Variants in ZMYM4 observed in about 807,000 individuals in gnomAD.
ZMYM4 encodes zinc finger MYM-type containing 4.
ZMYM4 carries 31 observed loss-of-function variants against 183.2 expected under a neutral mutation model. That is an observed-to-expected ratio of 0.17 (90% confidence interval 0.13 to 0.23). ZMYM4 has a LOEUF of 0.23. Ranked by LOEUF, ZMYM4 falls within the 10% of genes least tolerant of loss-of-function variation. ZMYM4 has a pLI of 1.00. For synonymous variants in ZMYM4, 592 were observed against 631.2 expected (o/e 0.94, Z 0.93); for missense variants, 1,273 against 1,840.3 (o/e 0.69, Z 5.64).
At chr1:35,418,713 T>G in intron 29 of ZMYM4, 141 bp downstream of exon 29, 8 of 1,014,752 alleles carry the variant, frequency 7.9e-6, no homozygotes, top group African/African-American at 1.6e-5. Flanking sequence ...CATTGTCATA[T>G]CTATGTGGAT....
Position 35,387,281 on chromosome 1 carries a change from A to G in ZMYM4, c.2112+3A>G. 3 of 1,612,904 alleles carry G rather than the reference A, an allele frequency of 1.9e-6. No homozygotes were observed. The highest frequency in any genetic ancestry group is 2.5e-6 in the Non-Finnish European group (3 of 1,178,942). The stretch of plus-strand genomic sequence containing the variant: ...AACCAGAACTTCTTGACTATAAGGT[A>G]AAGTATAGCATGTTCATGATAAGAT... On this transcript the variant is annotated splice_donor_region_variant and intron_variant, in intron 12 of 29. Transcript: ENST00000314607.
chr1:35,309,021 A>G (rs1188845889), intron 1 of ZMYM4: 4 of 985,312 alleles, frequency 4.1e-6, no homozygotes, highest in Non-Finnish European at 4.8e-6. Flanking sequence ...AATGGAAGAC[A>G]TGTTAGAATG....
chr1:35,344,207 C>T (rs1277512498), intron 2 of ZMYM4, among the ~76,000 whole-genome samples: 5 of 151,938 alleles, frequency 3.3e-5, no homozygotes, highest in Admixed American at 2.6e-4. Context: ...GCGTGTGCCA[C>T]CATGCCTGAC....
intron 1 of ZMYM4, among the ~76,000 whole-genome samples, chr1:35,272,215 TTAGA>T (rs1279995572): frequency 2.6e-5 from 4 of 152,182 alleles, no homozygotes; most frequent in Admixed American, 6.5e-5. Context: ...CCACATAGAC[TTAGA>T]TAGTAACTTT....
chr1:35,374,020 T>C (rs34932961), intron 7 of ZMYM4, among the ~76,000 whole-genome samples: 1 of 83,344 alleles, frequency 1.2e-5, no homozygotes, highest in Non-Finnish European at 2.1e-5. Context: ...CATGGGATTC[T>C]TTTTTTTTTT....
At chr1:35,416,776 C>T (rs1319371136) in intron 28 of ZMYM4, among the ~76,000 whole-genome samples, 3 of 152,132 alleles carry the variant, frequency 2.0e-5, no homozygotes, top group Non-Finnish European at 2.9e-5. Context: ...ATTGGGCAAG[C>T]TGGTCTCGAA....
rs1304758451 is a variant in ZMYM4 at position 35,381,577 on chromosome 1, T to C, written c.1388T>C (p.Val463Ala). ...CATGAAGTTAATTACCAGAATGTGG[T>C]CCATAAACTTTGCAGTGATGCCTGC... ...IRHEVNYQNVVHKLCSDACFS... is the reference protein window; with the variant it reads ...IRHEVNYQNVAHKLCSDACFS... Residue 463 changes from valine (V) to alanine (A), a missense_variant, in exon 9 of 30, where the codon GTC (valine) becomes GCC (alanine). Transcript: ENST00000314607. 2.5e-6 allele frequency: 4 copies of C among 1,614,104 alleles called. No homozygotes were observed. The highest frequency in any genetic ancestry group is 3.4e-6 in the Non-Finnish European group (4 of 1,180,042).
In ZMYM4 at chr1:35,398,910, T is replaced by C. The variant is rs1193611952; in HGVS notation, c.3300T>C (p.Ser1100=). The C allele has an allele frequency of 3.1e-6, 5 of 1,614,050 alleles. No homozygotes were observed. The highest frequency in any genetic ancestry group is 2.2e-5 in the East Asian group (1 of 44,884). The part of the protein sequence containing the change: ...YSGDLESEAV[S]TPHSWEEELN... ...GTGATCTTGAATCAGAGGCAGTATCTACTCCACATAGCTGGGAGGAAGAGC... is the reference window on the plus strand; with the variant it reads ...GTGATCTTGAATCAGAGGCAGTATCCACTCCACATAGCTGGGAGGAAGAGC... The change falls in exon 22 of 30, where the codon TCT becomes TCC. Residue 1100 remains serine, a synonymous_variant. Transcript: ENST00000314607.
chr1:35,317,219 G>A (rs1413756740), intron 1 of ZMYM4, among the ~76,000 whole-genome samples: 4 of 151,998 alleles, frequency 2.6e-5, no homozygotes, highest in African/African-American at 9.7e-5. Context: ...GATCGCCTGA[G>A]GTCTGGAGTT....
At chr1:35,312,975 C>T (rs771611646) in intron 1 of ZMYM4, among the ~76,000 whole-genome samples, 12 of 152,214 alleles carry the variant, frequency 7.9e-5, no homozygotes, top group African/African-American at 2.2e-4. Flanking sequence ...CTCACTGTAA[C>T]GTCTGCCTCC....
intron 1 of ZMYM4, among the ~76,000 whole-genome samples, chr1:35,293,920 G>C (rs553453885): frequency 6.6e-6 from 1 of 152,198 alleles, no homozygotes; most frequent in East Asian, 1.9e-4. Flanking sequence ...GGGAGCACGA[G>C]GTCAGGAGAT....
At chr1:35,302,539 C>T (rs1030100735) in intron 1 of ZMYM4, among the ~76,000 whole-genome samples, 3 of 151,792 alleles carry the variant, frequency 2.0e-5, no homozygotes, top group Non-Finnish European at 4.4e-5. Flanking sequence ...GTGCCTGCCA[C>T]AATGCCCCAC....
At chr1:35,351,059 C>G (rs935395268) in intron 2 of ZMYM4, 6 of 844,614 alleles carry the variant, frequency 7.1e-6, no homozygotes, top group Non-Finnish European at 1.0e-5. Context: ...ATAGGTTTGG[C>G]ATGGACAAGA....
intron 2 of ZMYM4, chr1:35,351,702 A>C: frequency 2.1e-6 from 1 of 467,384 alleles, no homozygotes; most frequent in African/African-American, 2.0e-5. Flanking sequence ...AAAAACAAAA[A>C]ACAAAAATGT....
chr1:35,337,555 CTT>C (rs1284529337), intron 2 of ZMYM4, among the ~76,000 whole-genome samples: 1 of 152,120 alleles, frequency 6.6e-6, no homozygotes, highest in Non-Finnish European at 1.5e-5. Flanking sequence ...GGTTGGCAAA[CTT>C]TTTCTCTAAA....
intron 5 of ZMYM4, among the ~76,000 whole-genome samples, chr1:35,366,732 C>CGGTGTAATTA (rs1366569339): frequency 6.6e-6 from 1 of 152,102 alleles, no homozygotes. Context: ...AGATTTAAGG[C>CGGTGTAATTA]CAGGTGCGGT....
At chr1:35,311,958 G>C (rs1641824502) in intron 1 of ZMYM4, among the ~76,000 whole-genome samples, 1 of 151,792 alleles carries the variant, frequency 6.6e-6, no homozygotes, top group South Asian at 2.1e-4. Flanking sequence ...GGTGATCCTA[G>C]CTCACTGCAG....
rs564407243 is a variant in ZMYM4 at position 35,366,945 on chromosome 1, G to T, written c.841-3084G>T. 2.1e-3 allele frequency among the ~76,000 whole-genome samples: 324 copies of T among 151,438 alleles called. 1 individual carries two copies. Among genetic ancestry groups the T allele is most frequent in the Non-Finnish European group, 2.6e-3 (178 of 67,894 alleles). ...AGACTGAGACAGGAGGATCACTCGA[G>T]CCTGGGAGGTGGAGGTTGCAGTGAG... is the stretch of plus-strand genomic sequence containing the variant. On this transcript the variant is annotated intron_variant, in intron 5 of 29. Transcript: ENST00000314607.
At chr1:35,404,220 A>G (rs1379333218) in intron 23 of ZMYM4, among the ~76,000 whole-genome samples, 1 of 152,030 alleles carries the variant, frequency 6.6e-6, no homozygotes, top group African/African-American at 2.4e-5. Context: ...GTATGCCACC[A>G]TGCCTGGCTA....
Sources: allele counts gnomAD v4.1 joint callset (sites outside exome capture counted in the v4.1 genomes callset), GRCh38; gene constraint gnomAD v4.1.1; transcripts MANE v1.5; gene names NCBI Gene and HGNC (gene_info 2026-07-23, HGNC 2026-07-21).